SAMD12: variants seen among roughly 807,000 people sequenced by gnomAD.
The protein encoded by SAMD12 is sterile alpha motif domain containing 12.
SAMD12 carries 9 observed loss-of-function variants against 15.0 expected under a neutral mutation model. The ratio of observed to expected loss-of-function variants is 0.60; its 90% CI spans 0.36 to 1.05. SAMD12 has a LOEUF of 1.05. SAMD12 is among the 50% of genes least tolerant of loss of function. The pLI, the probability that SAMD12 is intolerant of heterozygous loss-of-function variation, is 0.01. For synonymous variants in SAMD12, 86 were observed against 90.1 expected (o/e 0.96, Z 0.25); for missense variants, 230 against 234.2 (o/e 0.98, Z 0.12).
intron 2 of SAMD12, among the ~76,000 whole-genome samples, chr8:118,453,238 T>C (rs1397757824): frequency 6.6e-6 from 1 of 152,190 alleles, no homozygotes; most frequent in Non-Finnish European, 1.5e-5. Flanking sequence ...ATGCCAAGTA[T>C]GATGGTAAAT....
At chr8:118,295,796 TG>T (rs1273095319) in intron 4 of SAMD12, 3 of 152,168 alleles carry the variant, frequency 2.0e-5, no homozygotes, top group Admixed American at 6.5e-5. Flanking sequence ...ACTACAGGTG[TG>T]TTACCCAATC....
chr8:118,189,966 A>AAAAG (rs1324123497), exon 5 of SAMD12: 1 of 151,362 alleles, frequency 6.6e-6, no homozygotes, highest in African/African-American at 2.4e-5. Context: ...AAAAAAAAAA[A>AAAAG]AAAGAAAGAA....
At chr8:118,621,708 C>T (rs991588153) in intron 1 of SAMD12, 96 bp downstream of exon 1, 19 of 1,430,866 alleles carry the variant, frequency 1.3e-5, no homozygotes, top group Admixed American at 6.7e-5. Context: ...CACCCCCTTT[C>T]CTCGCCTCCC....
chr8:118,604,172 T>C (rs1446267187), intron 1 of SAMD12, among the ~76,000 whole-genome samples: 1 of 152,178 alleles, frequency 6.6e-6, no homozygotes, highest in Non-Finnish European at 1.5e-5. Flanking sequence ...CAGAGCCTGT[T>C]TCCTTATATA....
chr8:118,449,798 C>CAAAAAAAA (rs35279962), intron 2 of SAMD12, among the ~76,000 whole-genome samples: 1 of 72,462 alleles, frequency 1.4e-5, no homozygotes, highest in Non-Finnish European at 2.5e-5. Flanking sequence ...GAGACTGTCT[C>CAAAAAAAA]AAAAAAAAAA....
chr8:118,391,649 T>G (rs1226141160), intron 3 of SAMD12, among the ~76,000 whole-genome samples: 2 of 152,230 alleles, frequency 1.3e-5, no homozygotes, highest in Non-Finnish European at 2.9e-5. Context: ...AAGTTTTAAG[T>G]CTACTTTGAC....
At chr8:118,493,779 C>G (rs931350952) in intron 2 of SAMD12, among the ~76,000 whole-genome samples, 1 of 152,076 alleles carries the variant, frequency 6.6e-6, no homozygotes, top group East Asian at 1.9e-4. Flanking sequence ...AACACTCAGA[C>G]CAAGGAGGAA....
At chr8:118,269,576 T>C (rs1461109746) in intron 4 of SAMD12, among the ~76,000 whole-genome samples, 1 of 152,150 alleles carries the variant, frequency 6.6e-6, no homozygotes, top group Non-Finnish European at 1.5e-5. Flanking sequence ...TATGGCTGCT[T>C]TCAGGTTCCA....
intron 3 of SAMD12, among the ~76,000 whole-genome samples, chr8:118,388,811 C>G (rs900499629): frequency 6.6e-6 from 1 of 152,116 alleles, no homozygotes; most frequent in Non-Finnish European, 1.5e-5. Flanking sequence ...GTCTTTACCA[C>G]CCTATGGAGG....
chr8:118,144,303 T>A, the SAMD12 span, among the ~76,000 whole-genome samples: 1 of 152,198 alleles, frequency 6.6e-6, no homozygotes, highest in Non-Finnish European at 1.5e-5. Context: ...TGAATATTCT[T>A]TGGGGGCATT....
At chr8:118,165,622 A>ATATATACATATATATATGTATATATG in the SAMD12 span, among the ~76,000 whole-genome samples, 6 of 135,808 alleles carry the variant, frequency 4.4e-5, no homozygotes, top group African/African-American at 1.9e-4. Flanking sequence ...ATGTATATAT[A>ATATATACATATATATATGTATATATG]TATATATATA....
intron 3 of SAMD12, among the ~76,000 whole-genome samples, chr8:118,406,617 T>C (rs1419208716): frequency 6.6e-6 from 1 of 152,164 alleles, no homozygotes; most frequent in East Asian, 1.9e-4. Context: ...TTAACTATAT[T>C]CACCATCATT....
At chr8:118,161,920 G>A in the SAMD12 span, among the ~76,000 whole-genome samples, 1 of 151,930 alleles carries the variant, frequency 6.6e-6, no homozygotes, top group Non-Finnish European at 1.5e-5. Flanking sequence ...AGCACTTTGG[G>A]AGGCCCAGGC....
intron 2 of SAMD12, among the ~76,000 whole-genome samples, chr8:118,543,632 T>TTTTTTTTTC (rs773777079): frequency 0.059 from 6,120 of 103,442 alleles, 243 homozygotes; most frequent in African/African-American, 0.16. Context: ...TCTTTCTTTC[T>TTTTTTTTTC]TTTTTTTTTT....
In SAMD12 at chr8:118,403,994, T is replaced by C. The variant is rs185056756; in HGVS notation, c.323-24294A>G. Among the ~76,000 whole-genome samples the C allele has an allele frequency of 1.1e-3, 164 of 152,302 alleles. 2 individuals carry two copies. Among genetic ancestry groups the C allele is most frequent in the Non-Finnish European group, 1.9e-3 (132 of 68,030 alleles). On this transcript the variant is annotated intron_variant, in intron 3 of 3. Transcript: ENST00000314727. ...ATAGATTTTTGGTACCTTTATTTTT[T>C]CTTGAGACAGGGTTTTGCTTTGTCC... is the stretch of plus-strand genomic sequence containing the variant.
intron 2 of SAMD12, among the ~76,000 whole-genome samples, chr8:118,566,651 C>T (rs1563587973): frequency 1.3e-5 from 2 of 152,130 alleles, no homozygotes; most frequent in Admixed American, 6.5e-5. Context: ...ATAAACGAAA[C>T]TGCCCATAGA....
chr8:118,555,113 T>C (rs550448589), intron 2 of SAMD12, among the ~76,000 whole-genome samples: 1 of 152,242 alleles, frequency 6.6e-6, no homozygotes, highest in Admixed American at 6.5e-5. Context: ...AGGGGTAATA[T>C]CCATCTGTTA....
At chr8:118,471,547 A>G (rs139032055) in intron 2 of SAMD12, among the ~76,000 whole-genome samples, 4 of 152,364 alleles carry the variant, frequency 2.6e-5, no homozygotes, top group African/African-American at 9.6e-5. Flanking sequence ...AAACTTGACA[A>G]AAATCCCTTT....
the SAMD12 span, among the ~76,000 whole-genome samples, chr8:118,170,042 T>C: frequency 3.9e-5 from 6 of 152,298 alleles, no homozygotes; most frequent in East Asian, 1.2e-3. Flanking sequence ...ACTAAGACTT[T>C]TACATTTGTT....
Sources: allele counts gnomAD v4.1 joint callset (sites outside exome capture counted in the v4.1 genomes callset), GRCh38; gene constraint gnomAD v4.1.1; transcripts MANE v1.5; gene names NCBI Gene and HGNC (gene_info 2026-07-23, HGNC 2026-07-21).